Variants in CATSPERB observed in about 807,000 individuals in gnomAD.
CATSPERB encodes catsper channel auxiliary subunit beta.
A neutral mutation model predicts 128.3 loss-of-function variants in CATSPERB; 93 were observed. The ratio of observed to expected loss-of-function variants is 0.72; its 90% CI spans 0.61 to 0.86. The LOEUF (loss-of-function observed/expected upper bound fraction) is 0.86. Among genes scored for constraint, CATSPERB ranks in the 40% least tolerant of loss-of-function variants. CATSPERB has a pLI of 0.00. For synonymous variants in CATSPERB, 381 were observed against 448.8 expected (o/e 0.85, Z 1.91); for missense variants, 1,153 against 1,329.5 (o/e 0.87, Z 2.06).
At chr14:91,632,157 C>A (rs551666122) in intron 17 of CATSPERB, among the ~76,000 whole-genome samples, 19 of 152,154 alleles carry the variant, frequency 1.2e-4, no homozygotes, top group African/African-American at 4.3e-4. Context: ...AACTAAAGGA[C>A]AGAAATTGTT....
chr14:91,655,982 A>G (rs1174115979), intron 15 of CATSPERB, among the ~76,000 whole-genome samples: 2 of 152,216 alleles, frequency 1.3e-5, no homozygotes, highest in African/African-American at 4.8e-5. Context: ...AGGAGCCCCA[A>G]TATATCTGGC....
At chr14:91,594,078 A>C (rs1893457055) in intron 22 of CATSPERB, among the ~76,000 whole-genome samples, 1 of 152,192 alleles carries the variant, frequency 6.6e-6, no homozygotes, top group South Asian at 2.1e-4. Context: ...GAACCAACCT[A>C]AATGTCCAAC....
At chr14:91,693,759 A>G (rs1895511898) in intron 7 of CATSPERB, among the ~76,000 whole-genome samples, 1 of 152,156 alleles carries the variant, frequency 6.6e-6, no homozygotes, top group Non-Finnish European at 1.5e-5. Flanking sequence ...ATTGTACTGT[A>G]TCTTTTTTTA....
intron 13 of CATSPERB, among the ~76,000 whole-genome samples, chr14:91,670,954 G>A (rs1414876045): frequency 6.6e-6 from 1 of 152,056 alleles, no homozygotes; most frequent in Non-Finnish European, 1.5e-5. Flanking sequence ...AGTGAGCCAA[G>A]ATCGCTCCAC....
rs1413921035 is a variant in CATSPERB, at chr14:91,583,185, A to G, written c.3133-2078T>C. On this transcript the variant is annotated intron_variant, in intron 26 of 26. Coordinates refer to ENST00000256343, the MANE Select transcript of CATSPERB (RefSeq NM_024764.4). Reference sequence around the variant, plus strand: ...TGTAATCCCAGCACTTTGGGAGGCCAAGGCGGGCAGATCACGAGGTCAGGA... The same window carrying G: ...TGTAATCCCAGCACTTTGGGAGGCCGAGGCGGGCAGATCACGAGGTCAGGA... Among the ~76,000 whole-genome samples, 6 of 152,146 alleles carry G rather than the reference A, an allele frequency of 3.9e-5. No individual in the cohort carries two copies. The East Asian group carries it at 5.8e-4, about 15-fold the overall frequency.
Position 91,627,776 on chromosome 14 carries a change from T to G in CATSPERB, c.1743-2769A>C, listed in dbSNP as rs538295171. 3.3e-5 allele frequency among the ~76,000 whole-genome samples: 5 copies of G among 152,312 alleles called. No individual in the cohort carries two copies. In the South Asian group the frequency reaches 1.0e-3, roughly 32 times the overall value. On this transcript the variant is annotated intron_variant, in intron 17 of 26. Coordinates refer to ENST00000256343, the MANE Select transcript of CATSPERB (RefSeq NM_024764.4). ...TGAGGCCAGGAGTTGGAGACCAGCT[T>G]GGATGCAACATAGTGAGATCTTGCC...
intron 7 of CATSPERB, among the ~76,000 whole-genome samples, chr14:91,699,134 T>G (rs1895607013): frequency 6.6e-6 from 1 of 152,238 alleles, no homozygotes; most frequent in Non-Finnish European, 1.5e-5. Flanking sequence ...GTTCCACATC[T>G]TTGCAATTGT....
rs111301816 is a variant in CATSPERB at position 91,693,658 on chromosome 14, T to C, written c.617-179A>G. On this transcript the variant is annotated intron_variant, in intron 7 of 26. Coordinates refer to ENST00000256343, the MANE Select transcript of CATSPERB (RefSeq NM_024764.4). ...CACATAATATTAGCCAACCATCTGA[T>C]TGACTCCTAGAATGATTACTGCTGG... 9.4e-3 allele frequency among the ~76,000 whole-genome samples: 1,431 copies of C among 152,322 alleles called. 22 individuals are homozygous for C. The highest frequency in any genetic ancestry group is 0.032 in the African/African-American group (1,334 of 41,578).
chr14:91,689,862 C>T (rs943937087), intron 10 of CATSPERB, among the ~76,000 whole-genome samples: 5 of 152,260 alleles, frequency 3.3e-5, no homozygotes, highest in Middle Eastern at 3.4e-3. Context: ...CATATTGGTT[C>T]TCCTTACAAA....
At chr14:91,649,696 C>T (rs183935537) in intron 15 of CATSPERB, among the ~76,000 whole-genome samples, 2 of 151,186 alleles carry the variant, frequency 1.3e-5, no homozygotes, top group African/African-American at 4.9e-5. Context: ...ATAAAGGATT[C>T]CAAAAAAATT....
chr14:91,588,658 GTAAT>G (rs1893346332), intron 24 of CATSPERB, among the ~76,000 whole-genome samples: 2 of 152,102 alleles, frequency 1.3e-5, no homozygotes, highest in Non-Finnish European at 2.9e-5. Context: ...AGCTGTGATT[GTAAT>G]TTCCAATTTC....
intron 15 of CATSPERB, among the ~76,000 whole-genome samples, chr14:91,654,657 T>C (rs950376978): frequency 6.6e-6 from 1 of 152,188 alleles, no homozygotes; most frequent in African/African-American, 2.4e-5. Context: ...TCTCTGGACC[T>C]AGCTGGGGCT....
chr14:91,608,082 G>A (rs1462777360), intron 22 of CATSPERB, among the ~76,000 whole-genome samples: 1 of 152,158 alleles, frequency 6.6e-6, no homozygotes, highest in East Asian at 1.9e-4. Context: ...AGTCAAGGGG[G>A]AAAGCGTCCA....
Position 91,704,649 on chromosome 14 carries a change from A to G in CATSPERB, c.519T>C (p.Ser173=). ...PGDVIPESEI[S]KLYPHVVDLK... ...GATCTACCACATGTGGATATAATTT[A>G]CTGATTTCACTTTCTGGAATCACAT... Residue 173 remains serine (S), a synonymous_variant, in exon 7 of 27, where the codon AGT becomes AGC. Coordinates refer to ENST00000256343, the MANE Select transcript of CATSPERB (RefSeq NM_024764.4). The G allele has an allele frequency of 6.2e-7, 1 of 1,613,902 alleles. No homozygotes were observed. Among genetic ancestry groups the G allele is most frequent in the Non-Finnish European group, 8.5e-7 (1 of 1,179,852 alleles).
chr14:91,660,116 T>TCA (rs56413235), intron 14 of CATSPERB, 135 bp from the exon 15 acceptor site: 3,111 of 238,528 alleles, frequency 0.013, 28 homozygotes, highest in African/African-American at 0.063. Flanking sequence ...TCTCTCTCTC[T>TCA]CACACACACA....
chr14:91,616,160 C>T (rs550048836), intron 20 of CATSPERB, among the ~76,000 whole-genome samples: 5 of 152,246 alleles, frequency 3.3e-5, no homozygotes, highest in East Asian at 1.9e-4. Context: ...GGATTGCAGG[C>T]GTGAGCCACT....
chr14:91,637,991 T>A (rs1174630620), intron 16 of CATSPERB, among the ~76,000 whole-genome samples: 1 of 152,164 alleles, frequency 6.6e-6, no homozygotes, highest in Non-Finnish European at 1.5e-5. Flanking sequence ...ACATGTGGCA[T>A]CTTAACTCTC....
chr14:91,716,227 C>G (rs1895935235), intron 5 of CATSPERB, among the ~76,000 whole-genome samples: 1 of 152,170 alleles, frequency 6.6e-6, no homozygotes, highest in Admixed American at 6.5e-5. Context: ...TGAACAGATA[C>G]TAAGCCAAAT....
At chr14:91,621,228 C>G (rs574614737) in intron 19 of CATSPERB, among the ~76,000 whole-genome samples, 13 of 152,058 alleles carry the variant, frequency 8.5e-5, no homozygotes, top group African/African-American at 3.1e-4. Context: ...ATGGCAAAAC[C>G]CTGTCTCTAC....
Sources: gnomAD v4.1 joint callset for allele counts (sites outside exome capture counted in the v4.1 genomes callset) on GRCh38, gnomAD v4.1.1 for gene constraint, MANE v1.5 for transcripts, NCBI Gene and HGNC (gene_info 2026-07-23, HGNC 2026-07-21) for gene names.